Variants in LCMT1 observed in about 807,000 individuals in gnomAD.
LCMT1 encodes [Phosphatase 2A protein]-leucine-carboxy methyltransferase 1.
Under a neutral mutation model 47.7 loss-of-function variants are expected in LCMT1, and 32 were observed. That is an observed-to-expected ratio of 0.67 (90% CI 0.51 to 0.90). LCMT1 has a LOEUF of 0.90. Ranked by LOEUF, LCMT1 falls within the 40% of genes least tolerant of loss-of-function variation. LCMT1 has a pLI of 0.00. For synonymous variants in LCMT1, 152 were observed against 149.7 expected (o/e 1.02, Z -0.11); for missense variants, 375 against 415.2 (o/e 0.90, Z 0.84).
At chr16:25,153,869 C>T (rs973979813) in intron 5 of LCMT1, among the ~76,000 whole-genome samples, 4 of 152,066 alleles carry the variant, frequency 2.6e-5, no homozygotes, top group Non-Finnish European at 5.9e-5. Flanking sequence ...AGGAGACTCT[C>T]TTGAACCTGG....
In LCMT1 at chr16:25,148,635, G is replaced by A. The variant is rs143451942; in HGVS notation, c.405-2919G>A. 545 of 152,556 alleles carry A rather than the reference G, an allele frequency of 3.6e-3. 2 individuals are homozygous for A. The highest frequency in any genetic ancestry group is 6.1e-3 in the Non-Finnish European group (419 of 68,208). The allele number at this position is 152,556 out of a possible 1,614,324, so 9.5% of individuals were successfully genotyped here. A position where few individuals can be genotyped will look rare whatever the true frequency, so the allele number is the denominator to read the frequency against. ...AGGAAAAAGACAACAAATAGGGGAC[G>A]CGAGGGAAGGGAAAACATTGTCTGG... On this transcript the variant is annotated intron_variant, in intron 4 of 10. Transcript: ENST00000399069.
At position 25,151,694 on chromosome 16, in the gene LCMT1, T is replaced by TGG. The variant is rs1395673605; in HGVS notation, c.466+81_466+82dup. ...CCCTTTTTGAAGATGGGGTTTGTGT[T>TGG]GGGTGTGTGTGTGTGTGTGTGTGTG... On this transcript the variant is annotated intron_variant, in intron 5 of 10. Transcript: ENST00000399069. The TGG allele has an allele frequency of 4.5e-5, 38 of 853,882 alleles. No individual in the cohort carries two copies. The Admixed American group carries it at 5.2e-4, about 12-fold the overall frequency. 52.9% of individuals were successfully genotyped at this position (853,882 alleles called of 1,614,324 possible). A position where few individuals can be genotyped will look rare whatever the true frequency, so the allele number is the denominator to read the frequency against.
chr16:25,136,863 G>T (rs1378745226), intron 3 of LCMT1, among the ~76,000 whole-genome samples: 1 of 152,068 alleles, frequency 6.6e-6, no homozygotes, highest in East Asian at 1.9e-4. Flanking sequence ...AGCGCTCCGG[G>T]TGTGCCTTTT....
intron 3 of LCMT1, among the ~76,000 whole-genome samples, chr16:25,134,174 C>T (rs1483091064): frequency 6.6e-6 from 1 of 151,844 alleles, no homozygotes; most frequent in African/African-American, 2.4e-5. Flanking sequence ...GGATGTTGAC[C>T]AAGACCCACT....
chr16:25,126,641 G>A (rs112903865), intron 1 of LCMT1, among the ~76,000 whole-genome samples: 16 of 152,316 alleles, frequency 1.1e-4, no homozygotes, highest in African/African-American at 2.4e-4. Flanking sequence ...TACACTAGTC[G>A]TATTGAACAG....
chr16:25,131,363 T>A (rs1960345056), intron 2 of LCMT1, among the ~76,000 whole-genome samples: 1 of 152,248 alleles, frequency 6.6e-6, no homozygotes, highest in East Asian at 1.9e-4. Context: ...ACCTTTAGAA[T>A]GCAGCCAGAT....
At chr16:25,162,588 C>CAAAA (rs542231545) in intron 6 of LCMT1, among the ~76,000 whole-genome samples, 2 of 78,790 alleles carry the variant, frequency 2.5e-5, no homozygotes, top group African/African-American at 4.5e-5. Context: ...GACTCCATCT[C>CAAAA]AAAAAAAAAA....
At chr16:25,117,074 G>GA (rs956535616) in intron 1 of LCMT1, among the ~76,000 whole-genome samples, 3 of 152,112 alleles carry the variant, frequency 2.0e-5, no homozygotes, top group African/African-American at 7.2e-5. Flanking sequence ...AGGTCCCAAG[G>GA]AGTATGGGTT....
intron 10 of LCMT1, among the ~76,000 whole-genome samples, chr16:25,177,662 G>A (rs777380623): frequency 6.6e-6 from 1 of 152,168 alleles, no homozygotes; most frequent in Admixed American, 6.5e-5. Flanking sequence ...CCACTGACCC[G>A]TGACTGCTTT....
intron 5 of LCMT1, among the ~76,000 whole-genome samples, chr16:25,156,752 A>C (rs1044373183): frequency 8.5e-5 from 13 of 152,146 alleles, no homozygotes; most frequent in African/African-American, 3.1e-4. Context: ...TGTAGAACTT[A>C]CCACACTTGC....
At chr16:25,161,314 A>T in intron 6 of LCMT1, 110 bp downstream of exon 6, 1 of 578,230 alleles carries the variant, frequency 1.7e-6, no homozygotes, top group Non-Finnish European at 3.0e-6. Context: ...TTTATTCTTT[A>T]AGAGTTTTAT....
At chr16:25,147,881 G>A (rs1183887901) in intron 4 of LCMT1, 2 of 152,106 alleles carry the variant, frequency 1.3e-5, no homozygotes, top group Non-Finnish European at 2.9e-5. Context: ...TGTAGAGGTG[G>A]AGTCTTCCTA....
In LCMT1 at chr16:25,148,406, CAG is replaced by C. The variant is rs1567319472; in HGVS notation, c.405-3144_405-3143del. 1.4e-4 allele frequency among the ~76,000 whole-genome samples: 21 copies of C among 152,288 alleles called. No homozygotes were observed. In the South Asian group the frequency reaches 4.4e-3, roughly 32 times the overall value. On this transcript the variant is annotated intron_variant, in intron 4 of 10. Transcript: ENST00000399069. ...TCCGTAGGCTCAAACACTGAACAGA[CAG>C]AGAAAAGCTCACAGGCTTCCCTTCC...
Position 25,111,826 on chromosome 16 carries a change from C to T in LCMT1, c.-58C>T, listed in dbSNP as rs910282214. ...CTGTGGCTCGCGCCGTCCCCCGCCG[C>T]CCGTCGACCCCGCTTCCATGTCCCT... On this transcript the variant is annotated 5_prime_UTR_variant, in exon 1 of 11. Coordinates refer to ENST00000399069, the MANE Select transcript of LCMT1 (RefSeq NM_016309.3). 3 of 1,198,950 alleles carry T rather than the reference C, an allele frequency of 2.5e-6. No individual in the cohort carries two copies. The highest frequency in any genetic ancestry group is 1.9e-5 in the Admixed American group (1 of 51,400). The allele number at this position is 1,198,950 out of a possible 1,614,324, so 74.3% of individuals were successfully genotyped here.
chr16:25,118,007 T>C (rs985807735), intron 1 of LCMT1, among the ~76,000 whole-genome samples: 5 of 152,172 alleles, frequency 3.3e-5, no homozygotes, highest in Non-Finnish European at 7.3e-5. Context: ...TTCCTTAACC[T>C]CTGTTTCTGC....
intron 4 of LCMT1, among the ~76,000 whole-genome samples, chr16:25,150,946 C>T (rs1961059872): frequency 6.6e-6 from 1 of 152,104 alleles, no homozygotes; most frequent in South Asian, 2.1e-4. Context: ...GGTTAGAACT[C>T]TGAGTGGAAT....
chr16:25,175,124 T>G, intron 10 of LCMT1, 90 bp downstream of exon 10: 2 of 704,078 alleles, frequency 2.8e-6, no homozygotes, highest in Non-Finnish European at 2.5e-6. Context: ...TTTTTTGTCT[T>G]CCCTCTTTCT....
rs753873318 is a variant in LCMT1, at chr16:25,140,212, T to C, written c.369T>C (p.Phe123=). ...CAAGTAAATATTTTGAGGTTGACTT[T>C]CCAATGATTGTCACGAGAAAGCTGC... ...LLPSKYFEVD[F]PMIVTRKLHS... The change falls in exon 4 of 11, where the codon TTT becomes TTC. Residue 123 remains phenylalanine, a synonymous_variant. Coordinates refer to ENST00000399069, the MANE Select transcript of LCMT1 (RefSeq NM_016309.3). 6.8e-6 allele frequency: 11 copies of C among 1,608,602 alleles called. No homozygotes were observed. Among genetic ancestry groups the C allele is most frequent in the Admixed American group, 5.1e-5 (3 of 59,336 alleles).
In LCMT1 at chr16:25,178,101, T is replaced by G; in HGVS notation, c.*78T>G. On this transcript the variant is annotated 3_prime_UTR_variant, in exon 11 of 11. Coordinates refer to ENST00000399069, the MANE Select transcript of LCMT1 (RefSeq NM_016309.3). ...GGAGACCTGCAAGCTCCCTGAGCGG[T>G]GGGCGGGCCTCGTCCGCAGGTCTCA... 1.4e-6 allele frequency: 2 copies of G among 1,418,484 alleles called. No individual in the cohort carries two copies. The highest frequency in any genetic ancestry group is 2.0e-6 in the Non-Finnish European group (2 of 1,008,680). The allele number at this position is 1,418,484 out of a possible 1,614,324, so 87.9% of individuals were successfully genotyped here.
Sources: allele counts gnomAD v4.1 joint callset (sites outside exome capture counted in the v4.1 genomes callset), GRCh38; gene constraint gnomAD v4.1.1; transcripts MANE v1.5; gene names NCBI Gene and HGNC (gene_info 2026-07-23, HGNC 2026-07-21).